GNB1: variants seen among roughly 807,000 people sequenced by gnomAD.
GNB1 encodes G protein subunit beta 1, also known as guanine nucleotide-binding protein G(I)/G(S)/G(T) subunit beta-1.
GNB1 carries 2 observed loss-of-function variants against 42.9 expected under a neutral mutation model. The observed-to-expected ratio is 0.05, with a 90% CI of 0.02 to 0.15. The LOEUF is 0.15. Among genes scored for constraint, GNB1 ranks in the 10% least tolerant of loss-of-function variants. The pLI is 1.00. For missense variants in GNB1, 193 were observed against 462.2 expected (o/e 0.42, Z 5.34); for synonymous variants, 183 against 174.7 (o/e 1.05, Z -0.38).
intron 1 of GNB1, among the ~76,000 whole-genome samples, chr1:1,870,349 C>G (rs1375922122): frequency 6.6e-6 from 1 of 151,984 alleles, no homozygotes; most frequent in Non-Finnish European, 1.5e-5. Context: ...GTTTTTTAAA[C>G]TTTTTGTAGA....
intron 1 of GNB1, among the ~76,000 whole-genome samples, chr1:1,864,064 T>C (rs905767692): frequency 1.3e-5 from 2 of 151,956 alleles, no homozygotes; most frequent in African/African-American, 4.8e-5. Flanking sequence ...GGCTCACACC[T>C]GTAATCCCAG....
chr1:1,858,524 C>T (rs1648428922), intron 1 of GNB1, among the ~76,000 whole-genome samples: 1 of 152,064 alleles, frequency 6.6e-6, no homozygotes, highest in Admixed American at 6.6e-5. Context: ...GGACAGATCC[C>T]TCCTTCCACC....
chr1:1,839,460 GA>G (rs1647195021), intron 1 of GNB1, among the ~76,000 whole-genome samples: 1 of 152,156 alleles, frequency 6.6e-6, no homozygotes, highest in South Asian at 2.1e-4. Flanking sequence ...AGAATCCTTA[GA>G]AATGCCCCAG....
chr1:1,883,967 CTTTTT>C (rs1186881007), intron 1 of GNB1, among the ~76,000 whole-genome samples: 2 of 136,296 alleles, frequency 1.5e-5, no homozygotes, highest in East Asian at 4.2e-4. Flanking sequence ...AGTGTCCGGA[CTTTTT>C]TTTTTTTTTT....
At chr1:1,827,405 G>A (rs774997004) in intron 2 of GNB1, among the ~76,000 whole-genome samples, 1 of 152,184 alleles carries the variant, frequency 6.6e-6, no homozygotes, top group Non-Finnish European at 1.5e-5. Context: ...GGCATTATTT[G>A]AAACGGATGT....
chr1:1,818,443 G>GTC (rs1646886849), intron 3 of GNB1: 1 of 152,188 alleles, frequency 6.6e-6, no homozygotes, highest in Non-Finnish European at 1.5e-5. Flanking sequence ...GGAGGGCGCG[G>GTC]TCTCACGTCT....
At chr1:1,880,862 A>C (rs1466592767) in intron 1 of GNB1, among the ~76,000 whole-genome samples, 1 of 152,180 alleles carries the variant, frequency 6.6e-6, no homozygotes, top group East Asian at 1.9e-4. Context: ...GTCTGCAGTG[A>C]ACCAGACTGC....
intron 2 of GNB1, among the ~76,000 whole-genome samples, chr1:1,830,866 T>TA (rs973284116): frequency 3.9e-5 from 6 of 152,104 alleles, no homozygotes; most frequent in African/African-American, 1.4e-4. Flanking sequence ...GTTAACTTTT[T>TA]AAAGTTACCT....
intron 2 of GNB1, among the ~76,000 whole-genome samples, chr1:1,835,993 G>C (rs1647143753): frequency 6.6e-6 from 1 of 150,706 alleles, no homozygotes; most frequent in Non-Finnish European, 1.5e-5. Flanking sequence ...AGGAAGCTGA[G>C]GCCAGAGGAT....
intron 2 of GNB1, among the ~76,000 whole-genome samples, chr1:1,836,538 C>T (rs1647152703): frequency 6.6e-6 from 1 of 151,768 alleles, no homozygotes; most frequent in East Asian, 1.9e-4. Flanking sequence ...ACTACAGACA[C>T]ACAACACGAT....
chr1:1,886,746 G>T (rs577539706), intron 1 of GNB1, among the ~76,000 whole-genome samples: 1 of 151,974 alleles, frequency 6.6e-6, no homozygotes, highest in African/African-American at 2.4e-5. Context: ...TCGCTGTGTC[G>T]CCCAGGCTGG....
At chr1:1,840,472 G>A (rs1422392955) in intron 1 of GNB1, among the ~76,000 whole-genome samples, 1 of 152,246 alleles carries the variant, frequency 6.6e-6, no homozygotes, top group Non-Finnish European at 1.5e-5. Context: ...AGATTGCAGT[G>A]AGCCGAGATC....
intron 1 of GNB1, among the ~76,000 whole-genome samples, chr1:1,842,342 A>C (rs1647276420): frequency 6.6e-6 from 1 of 152,002 alleles, no homozygotes; most frequent in Non-Finnish European, 1.5e-5. Context: ...AGGCAGGAGA[A>C]TGCCATGAAC....
chr1:1,836,851 G>A (rs1007252233), intron 2 of GNB1, among the ~76,000 whole-genome samples: 4 of 142,954 alleles, frequency 2.8e-5, no homozygotes, highest in African/African-American at 1.1e-4. Context: ...GTGCCCGACT[G>A]CTAACTTTTT....
At chr1:1,839,065 G>C (rs1433982099) in intron 2 of GNB1, 125 bp downstream of exon 2, 23 of 152,154 alleles carry the variant, frequency 1.5e-4, no homozygotes, top group Non-Finnish European at 4.4e-5. Context: ...AATCCAGTCT[G>C]AGCAACATGG....
intron 1 of GNB1, among the ~76,000 whole-genome samples, chr1:1,860,528 C>G (rs978733644): frequency 6.6e-6 from 1 of 151,156 alleles, no homozygotes; most frequent in African/African-American, 2.4e-5. Flanking sequence ...TCCCAGCTAC[C>G]TGGGAGGCTG....
At chr1:1,865,134 C>T (rs1252207848) in intron 1 of GNB1, among the ~76,000 whole-genome samples, 1 of 151,110 alleles carries the variant, frequency 6.6e-6, no homozygotes, top group Non-Finnish European at 1.5e-5. Context: ...TGGTGGCGGG[C>T]ACCTGAAGTC....
rs1033308852 is a variant in GNB1, at chr1:1,793,237, G to A, written c.497+8C>T. On this transcript the variant is annotated splice_region_variant and intron_variant, in intron 8 of 11. Coordinates refer to ENST00000378609, the MANE Select transcript of GNB1 (RefSeq NM_002074.5). ...CAAGGCACTGCCTGCCCCGGGTCAG[G>A]TACTTACCACGTGGTGTCTCCAGAG... 7.5e-6 allele frequency: 12 copies of A among 1,604,394 alleles called. No homozygotes were observed. The highest frequency in any genetic ancestry group is 1.0e-5 in the Non-Finnish European group (12 of 1,171,834).
intron 2 of GNB1, among the ~76,000 whole-genome samples, chr1:1,829,756 G>T (rs963317627): frequency 4.7e-5 from 7 of 149,882 alleles, no homozygotes; most frequent in Non-Finnish European, 8.9e-5. Context: ...TTTTTTTTTT[G>T]AGATGGAGTT....
Sources: allele counts gnomAD v4.1 joint callset (sites outside exome capture counted in the v4.1 genomes callset), GRCh38; gene constraint gnomAD v4.1.1; transcripts MANE v1.5; gene names NCBI Gene and HGNC (gene_info 2026-07-23, HGNC 2026-07-21).